Variants in IL1RAPL2 observed in about 807,000 individuals in gnomAD.
IL1RAPL2 encodes X-linked interleukin-1 receptor accessory protein-like 2.
IL1RAPL2 carries 3 observed loss-of-function variants against 44.1 expected under a neutral mutation model. The observed-to-expected ratio is 0.07, with a 90% CI of 0.03 to 0.18. The LOEUF (loss-of-function observed/expected upper bound fraction) is 0.18. Ranked by LOEUF, IL1RAPL2 falls within the 10% of genes least tolerant of loss-of-function variation. IL1RAPL2 has a pLI of 1.00. For missense variants in IL1RAPL2, 391 were observed against 496.4 expected (o/e 0.79, Z 2.02); for synonymous variants, 181 against 178.8 (o/e 1.01, Z -0.10).
intron 2 of IL1RAPL2, among the ~76,000 whole-genome samples, chrX:104,702,079 C>T (rs1435889248): frequency 4.5e-5 from 5 of 111,579 alleles, no homozygotes; most frequent in Admixed American, 9.5e-5. Context: ...ACAAAATGCA[C>T]GTCCAGGAAT....
intron 5 of IL1RAPL2, among the ~76,000 whole-genome samples, chrX:105,310,141 T>A (rs769950215): frequency 3.6e-5 from 4 of 111,594 alleles, no homozygotes; most frequent in African/African-American, 1.3e-4. Flanking sequence ...GGAATTGAAT[T>A]TTTTTTATAG....
intron 2 of IL1RAPL2, among the ~76,000 whole-genome samples, chrX:104,959,791 C>T (rs2029970582): frequency 9.0e-6 from 1 of 111,075 alleles, no homozygotes; most frequent in Admixed American, 9.6e-5. Context: ...ACCTTCCCTT[C>T]GCTTCCATTG....
intron 2 of IL1RAPL2, among the ~76,000 whole-genome samples, chrX:104,942,617 A>C (rs769521978): frequency 9.0e-6 from 1 of 111,613 alleles, no homozygotes; most frequent in Non-Finnish European, 1.9e-5. Flanking sequence ...GGTTTTCTAA[A>C]TATACAATCA....
intron 2 of IL1RAPL2, among the ~76,000 whole-genome samples, chrX:104,676,180 G>A (rs1930750549): frequency 9.0e-6 from 1 of 111,263 alleles, no homozygotes; most frequent in South Asian, 3.8e-4. Flanking sequence ...AGTTGATGCA[G>A]TTTCTTCCTA....
intron 7 of IL1RAPL2, among the ~76,000 whole-genome samples, chrX:105,722,878 C>T (rs1443099051): frequency 9.0e-6 from 1 of 110,839 alleles, no homozygotes; most frequent in Admixed American, 9.6e-5. Context: ...AGAATTCCTT[C>T]TTCTATCGTC....
intron 2 of IL1RAPL2, among the ~76,000 whole-genome samples, chrX:104,726,405 T>A (rs1931793587): frequency 9.0e-6 from 1 of 111,694 alleles, no homozygotes; most frequent in East Asian, 2.8e-4. Context: ...ATTTTTTTTC[T>A]AATTCTGTGA....
chrX:105,251,769 T>C (rs1249849592), intron 4 of IL1RAPL2, among the ~76,000 whole-genome samples: 1 of 109,911 alleles, frequency 9.1e-6, no homozygotes, highest in Non-Finnish European at 1.9e-5. Flanking sequence ...ATAAAATATA[T>C]GTAATTAATA....
At chrX:105,698,605 G>C (rs1237287897) in intron 6 of IL1RAPL2, among the ~76,000 whole-genome samples, 1 of 111,655 alleles carries the variant, frequency 9.0e-6, no homozygotes, top group Non-Finnish European at 1.9e-5. Flanking sequence ...CTAAACCAAG[G>C]GCCAGAGGCC....
chrX:105,749,314 ATG>A (rs1036844996), intron 9 of IL1RAPL2, among the ~76,000 whole-genome samples: 17 of 112,271 alleles, frequency 1.5e-4, no homozygotes, highest in African/African-American at 5.2e-4. Flanking sequence ...AGTAAATGCT[ATG>A]TATGTTTTTT....
chrX:104,810,769 A>G (rs1241561450), intron 2 of IL1RAPL2, among the ~76,000 whole-genome samples: 1 of 112,012 alleles, frequency 8.9e-6, no homozygotes, highest in Non-Finnish European at 1.9e-5. Flanking sequence ...AGTTAACAGA[A>G]AAATCCAGAC....
intron 1 of IL1RAPL2, among the ~76,000 whole-genome samples, chrX:104,632,754 G>T (rs973024685): frequency 8.4e-5 from 9 of 107,639 alleles, no homozygotes; most frequent in African/African-American, 3.0e-4. Flanking sequence ...TGAGACGATG[G>T]GGTTTTCTAG....
chrX:105,143,294 A>G (rs1363142351), intron 2 of IL1RAPL2, among the ~76,000 whole-genome samples: 1 of 112,173 alleles, frequency 8.9e-6, no homozygotes, highest in Admixed American at 9.4e-5. Flanking sequence ...GGATATGAAC[A>G]GACACTTCTC....
At chrX:105,222,386 T>C (rs987035196) in intron 3 of IL1RAPL2, among the ~76,000 whole-genome samples, 4 of 112,510 alleles carry the variant, frequency 3.6e-5, no homozygotes, top group African/African-American at 9.7e-5. Flanking sequence ...AGAAGGTAGT[T>C]AAACCCCAGA....
chrX:105,338,260 T>A (rs16984717), intron 5 of IL1RAPL2, among the ~76,000 whole-genome samples: 2 of 111,642 alleles, frequency 1.8e-5, no homozygotes, highest in African/African-American at 6.6e-5. Context: ...TTGATGTTAC[T>A]GTCAGGATTG....
chrX:105,577,403 T>TA (rs750691633), intron 6 of IL1RAPL2, among the ~76,000 whole-genome samples: 1 of 110,954 alleles, frequency 9.0e-6, no homozygotes, highest in African/African-American at 3.3e-5. Flanking sequence ...ATAATGGCAC[T>TA]AACACAGTAT....
At chrX:105,107,058 T>G in intron 2 of IL1RAPL2, among the ~76,000 whole-genome samples, 1 of 112,254 alleles carries the variant, frequency 8.9e-6, no homozygotes. Flanking sequence ...TTTGCCATCA[T>G]GTATCTCTTT....
chrX:104,715,800 G>A (rs1011340135), intron 2 of IL1RAPL2, among the ~76,000 whole-genome samples: 1 of 110,501 alleles, frequency 9.0e-6, no homozygotes, highest in African/African-American at 3.3e-5. Flanking sequence ...ACAAACAAAT[G>A]GAAAAACATT....
chrX:105,229,750 T>C (rs1419847601), intron 3 of IL1RAPL2, among the ~76,000 whole-genome samples: 2 of 111,919 alleles, frequency 1.8e-5, no homozygotes, highest in African/African-American at 6.5e-5. Context: ...GGCTTTGTTA[T>C]AGAAGGCATT....
chrX:105,521,218 A>C (rs768422361), intron 6 of IL1RAPL2, among the ~76,000 whole-genome samples: 1 of 107,212 alleles, frequency 9.3e-6, no homozygotes, highest in Non-Finnish European at 1.9e-5. Context: ...TGCTGAGATT[A>C]CAGGCATGAG....
Sources: gnomAD v4.1 joint callset for allele counts (sites outside exome capture counted in the v4.1 genomes callset) on GRCh38, gnomAD v4.1.1 for gene constraint, MANE v1.5 for transcripts, NCBI Gene and HGNC (gene_info 2026-07-23, HGNC 2026-07-21) for gene names.